Variants in RBFOX1 observed in about 807,000 individuals in gnomAD.
RBFOX1 encodes RNA binding protein fox-1 homolog 1.
Under a neutral mutation model 57.7 loss-of-function variants are expected in RBFOX1, and 8 were observed. The observed-to-expected ratio is 0.14, with a 90% CI of 0.08 to 0.25. The LOEUF is 0.25. RBFOX1 is among the 10% of genes least tolerant of loss of function. The pLI, the probability that RBFOX1 is intolerant of heterozygous loss-of-function variation, is 1.00. For synonymous variants in RBFOX1, 326 were observed against 222.4 expected (o/e 1.47, Z -4.15); for missense variants, 611 against 548.5 (o/e 1.11, Z -1.14).
At chr16:7,448,410 G>A (rs1421583437) in intron 4 of RBFOX1, among the ~76,000 whole-genome samples, 1 of 152,170 alleles carries the variant, frequency 6.6e-6, no homozygotes, top group Non-Finnish European at 1.5e-5. Context: ...CATGGTGGAA[G>A]GCAAAGGAGG....
chr16:5,280,740 C>G (rs1481570498), intron 1 of RBFOX1, among the ~76,000 whole-genome samples: 2 of 151,858 alleles, frequency 1.3e-5, no homozygotes, highest in South Asian at 2.1e-4. Flanking sequence ...ATAATAGCCT[C>G]TAATGATCCT....
chr16:6,967,486 G>A (rs150314803), intron 3 of RBFOX1, among the ~76,000 whole-genome samples: 1 of 152,216 alleles, frequency 6.6e-6, no homozygotes, highest in East Asian at 1.9e-4. Context: ...TAGGAGCAGT[G>A]GATAGACGTT....
At chr16:6,268,887 C>G (rs976649330) in intron 1 of RBFOX1, among the ~76,000 whole-genome samples, 16 of 152,196 alleles carry the variant, frequency 1.1e-4, no homozygotes, top group African/African-American at 3.1e-4. Context: ...CAGTGGGGGA[C>G]TGGTTCCAGG....
At chr16:5,802,500 C>G (rs2055091311) in intron 3 of RBFOX1, among the ~76,000 whole-genome samples, 1 of 152,266 alleles carries the variant, frequency 6.6e-6, no homozygotes, top group South Asian at 2.1e-4. Flanking sequence ...TTCCCTCATC[C>G]CATCCTCTGC....
In RBFOX1 at chr16:5,655,673, G is replaced by T. The variant is rs114749775; in HGVS notation, c.318+56712G>T. Reference sequence around the variant, plus strand: ...CTTTGCAGGCAGATGAAATGGGAGTGCATTTGTACCTCTTTCTCATCTCAC... The same window carrying T: ...CTTTGCAGGCAGATGAAATGGGAGTTCATTTGTACCTCTTTCTCATCTCAC... On this transcript the variant is annotated intron_variant, in intron 3 of 19. Transcript: ENST00000641259. 9.7e-3 allele frequency among the ~76,000 whole-genome samples: 1,479 copies of T among 152,260 alleles called. 22 individuals carry two copies. The highest frequency in any genetic ancestry group is 0.034 in the African/African-American group (1,411 of 41,536).
rs117008745 is a variant in RBFOX1, at chr16:7,558,919, A to G, written c.271-20858A>G. The stretch of plus-strand genomic sequence containing the variant: ...TCCTAGCAAATGCTAGTGGGCATTT[A>G]TGCTAAATGAACCCCACTGTTACTC... On this transcript the variant is annotated intron_variant, in intron 5 of 15. Coordinates refer to ENST00000550418, the MANE Select transcript of RBFOX1 (RefSeq NM_018723.4). Among the ~76,000 whole-genome samples the G allele has an allele frequency of 3.5e-3, 539 of 152,364 alleles. 26 individuals are homozygous for G. In the South Asian group the frequency reaches 0.086, roughly 24 times the overall value.
intron 4 of RBFOX1, among the ~76,000 whole-genome samples, chr16:7,092,084 G>A (rs1401724408): frequency 1.3e-5 from 2 of 152,128 alleles, no homozygotes; most frequent in African/African-American, 2.4e-5. Flanking sequence ...TGGAACACTG[G>A]TTAAACTCTT....
At chr16:5,264,088 C>T (rs1431024059) in intron 1 of RBFOX1, among the ~76,000 whole-genome samples, 1 of 152,096 alleles carries the variant, frequency 6.6e-6, no homozygotes, top group South Asian at 2.1e-4. Context: ...AAGATCCAGG[C>T]TGAGCAGGAA....
chr16:5,665,295 C>G (rs1286484390), intron 3 of RBFOX1, among the ~76,000 whole-genome samples: 1 of 152,164 alleles, frequency 6.6e-6, no homozygotes, highest in Non-Finnish European at 1.5e-5. Flanking sequence ...GTCCCCTCTG[C>G]CCCAAATAGT....
At chr16:6,986,655 T>C (rs1279439876) in intron 3 of RBFOX1, among the ~76,000 whole-genome samples, 2 of 152,292 alleles carry the variant, frequency 1.3e-5, no homozygotes, top group Admixed American at 6.5e-5. Flanking sequence ...TGTCTCCCTC[T>C]TTTCCTTCCC....
intron 3 of RBFOX1, among the ~76,000 whole-genome samples, chr16:6,717,461 C>G (rs915188197): frequency 6.6e-6 from 1 of 152,096 alleles, no homozygotes; most frequent in East Asian, 1.9e-4. Context: ...CGTTTTGGCA[C>G]TTGTTACGTT....
In RBFOX1 at chr16:6,380,822, C is replaced by T. The variant is rs932211945; in HGVS notation, c.-64+63765C>T. ...CACATTCCTCACCAGTTTGTGCTGC[C>T]TTCAGCAGTGCCCAAAGCGCCTCCT... On this transcript the variant is annotated intron_variant, in intron 2 of 15. Coordinates refer to ENST00000550418, the MANE Select transcript of RBFOX1 (RefSeq NM_018723.4). Among the ~76,000 whole-genome samples, 6 of 152,130 alleles carry T rather than the reference C, an allele frequency of 3.9e-5. No individual in the cohort carries two copies. In the East Asian group the frequency reaches 1.2e-3, roughly 29 times the overall value.
intron 4 of RBFOX1, among the ~76,000 whole-genome samples, chr16:5,891,963 C>A (rs2005820): frequency 0.2 from 31,059 of 152,168 alleles, 3,412 homozygotes; most frequent in Middle Eastern, 0.29. Context: ...GGGACAAACT[C>A]TCACTTACTG....
rs200846246 is a variant in RBFOX1, at chr16:7,709,037, A to C, written c.996-19A>C. 69 of 1,598,764 alleles carry C rather than the reference A, an allele frequency of 4.3e-5. No homozygotes were observed. The East Asian group carries it at 1.3e-3, about 29-fold the overall frequency. ...AATTGCATACTGTGGATCAATCTTC[A>C]CCTCTATTTTCCTTTCAGTTACGGA... On this transcript the variant is annotated intron_variant, in intron 14 of 15. Coordinates refer to ENST00000550418, the MANE Select transcript of RBFOX1 (RefSeq NM_018723.4).
chr16:6,968,307 A>AT (rs2084748166), intron 3 of RBFOX1, among the ~76,000 whole-genome samples: 1 of 152,208 alleles, frequency 6.6e-6, no homozygotes, highest in South Asian at 2.1e-4. Flanking sequence ...GCCTGGTGAA[A>AT]TTAGCAGCGA....
intron 2 of RBFOX1, among the ~76,000 whole-genome samples, chr16:6,379,920 A>T (rs1274301937): frequency 6.6e-6 from 1 of 152,168 alleles, no homozygotes; most frequent in East Asian, 1.9e-4. Flanking sequence ...AAGGGGCCTG[A>T]TGGAGAAAGC....
intron 4 of RBFOX1, among the ~76,000 whole-genome samples, chr16:7,189,650 C>G (rs2084889863): frequency 6.6e-6 from 1 of 151,804 alleles, no homozygotes; most frequent in Non-Finnish European, 1.5e-5. Context: ...ATCTCATTTT[C>G]CCTTCATTTG....
chr16:5,453,376 G>A (rs1385310970), intron 1 of RBFOX1, among the ~76,000 whole-genome samples: 3 of 152,126 alleles, frequency 2.0e-5, no homozygotes, highest in Non-Finnish European at 4.4e-5. Flanking sequence ...AAAGATCTTA[G>A]ATTCAACTAA....
intron 3 of RBFOX1, among the ~76,000 whole-genome samples, chr16:6,857,252 C>G (rs1038889306): frequency 1.3e-5 from 2 of 152,138 alleles, no homozygotes; most frequent in African/African-American, 4.8e-5. Flanking sequence ...GATAACTCCC[C>G]AATCTCTAAA....
Sources: gnomAD v4.1 joint callset for allele counts (sites outside exome capture counted in the v4.1 genomes callset) on GRCh38, gnomAD v4.1.1 for gene constraint, MANE v1.5 for transcripts, NCBI Gene and HGNC (gene_info 2026-07-23, HGNC 2026-07-21) for gene names.